NUP214: variants seen among roughly 807,000 people sequenced by gnomAD.
NUP214 encodes nucleoporin 214.
NUP214 carries 79 observed loss-of-function variants against 196.2 expected under a neutral mutation model. The ratio of observed to expected loss-of-function variants is 0.40; its 90% CI spans 0.34 to 0.49. The LOEUF (loss-of-function observed/expected upper bound fraction) is 0.49, where lower values mean the gene tolerates loss of function less well. Among genes scored for constraint, NUP214 ranks in the 20% least tolerant of loss-of-function variants. The pLI, the probability that NUP214 is intolerant of heterozygous loss-of-function variation, is 0.58. For missense variants in NUP214, 2,468 were observed against 2,539.0 expected, an observed-to-expected ratio of 0.97 and a Z score of 0.60; for synonymous variants, 1,020 against 990.5, an observed-to-expected ratio of 1.03 and a Z score of -0.56.
Position 131,198,368 on chromosome 9 carries a change from C to G in NUP214, c.4874C>G (p.Ala1625Gly), listed in dbSNP as rs1206137650. 6.2e-7 allele frequency: 1 copy of G among 1,614,248 alleles called. No homozygotes were observed. The highest frequency in any genetic ancestry group is 2.2e-5 in the East Asian group (1 of 44,894). The change falls in exon 29 of 36, where the codon GCT (alanine) becomes GGT (glycine). Residue 1625 changes from alanine (A) to glycine (G), a missense_variant. Transcript: ENST00000359428. ...GCCTCCAGCACCACGTCCATTGTTG[C>G]TCCCGGCCCATCTGCAGAGGCAGCA... ...PIASSTTSIV[A>G]PGPSAEAAAF... is the part of the protein sequence containing the mutation.
chr9:131,195,254 A>G lies in NUP214; in HGVS notation c.3681A>G (p.Ile1227Met). ...SPSGTGFNFG[I>M]ITPTPSSNFT... ...TTAGGACTGGCTTTAATTTTGGGAT[A>G]ATCACACCAACACCGTCTTCTAATT... The change falls in exon 28 of 36, where the codon ATA becomes ATG. Residue 1227 changes from isoleucine (I) to methionine (M), a missense_variant. Coordinates refer to ENST00000359428, the MANE Select transcript of NUP214 (RefSeq NM_005085.4). 6.2e-7 allele frequency: 1 copy of G among 1,613,138 alleles called. No homozygotes were observed. The highest frequency in any genetic ancestry group is 1.3e-5 in the African/African-American group (1 of 75,022).
At chr9:131,201,622 T>C in intron 29 of NUP214, 25 bp from the exon 30 acceptor site, 2 of 1,594,082 alleles carry the variant, frequency 1.3e-6, no homozygotes, top group East Asian at 4.5e-5. Context: ...CCAAATTGAA[T>C]TTTTGTTTTC....
Position 131,184,500 on chromosome 9 carries a change from A to C in NUP214, c.3420-2789A>C, listed in dbSNP as rs61227423. Among the ~76,000 whole-genome samples the C allele has an allele frequency of 7.8e-3, 1,160 of 149,112 alleles. 13 individuals are homozygous for C. Among genetic ancestry groups the C allele is most frequent in the African/African-American group, 0.027 (1,092 of 40,340 alleles). ...AGGCACCTGCCACCACACCTGGCTA[A>C]TTTTTTTGTATTTTTAGTAGAGACG... On this transcript the variant is annotated intron_variant, in intron 24 of 35. Transcript: ENST00000359428.
intron 30 of NUP214, among the ~76,000 whole-genome samples, chr9:131,206,554 C>T (rs1435075132): frequency 2.0e-5 from 3 of 151,438 alleles, no homozygotes; most frequent in Non-Finnish European, 4.4e-5. Flanking sequence ...AAGCAGTCCT[C>T]CTATCAGTTC....
rs34686610 is a variant in NUP214, at chr9:131,202,377, A to G, written c.5592+660A>G. On this transcript the variant is annotated intron_variant, in intron 30 of 35. Coordinates refer to ENST00000359428, the MANE Select transcript of NUP214 (RefSeq NM_005085.4). ...TGTGTGTGTGTCTATATGTATACAT[A>G]TATGTGTGTACACACACACACACAC... 4.6e-3 allele frequency among the ~76,000 whole-genome samples: 696 copies of G among 152,166 alleles called. 6 individuals are homozygous for G. Among genetic ancestry groups the G allele is most frequent in the African/African-American group, 0.016 (661 of 41,514 alleles).
chr9:131,130,132 G>GTTT lies in NUP214; in HGVS notation c.593-632_593-630dup, dbSNP rs1245763919. Among the ~76,000 whole-genome samples, 7 of 46,608 alleles carry GTTT rather than the reference G, an allele frequency of 1.5e-4. 1 individual carries two copies. The highest frequency in any genetic ancestry group is 6.6e-4 in the Admixed American group (2 of 3,026). 30.6% of individuals were successfully genotyped at this position (46,608 alleles called of 152,430 possible). ...AATGGGAGCAGGAGAATGATTTCTGGTTTTGTTTTTTTTTTTTTGTTTTTT... is the reference window on the plus strand; with the variant it reads ...AATGGGAGCAGGAGAATGATTTCTGGTTTTTTTGTTTTTTTTTTTTTGTTTTTT... On this transcript the variant is annotated intron_variant, in intron 4 of 35. Coordinates refer to ENST00000359428, the MANE Select transcript of NUP214 (RefSeq NM_005085.4).
At chr9:131,157,147 T>TTTTTG (rs1554731047) in intron 17 of NUP214, among the ~76,000 whole-genome samples, 20 of 151,456 alleles carry the variant, frequency 1.3e-4, no homozygotes, top group African/African-American at 4.8e-4. Flanking sequence ...TCTGTTTTTT[T>TTTTTG]TTTTGTTTTG....
At chr9:131,174,444 T>C (rs1487894390) in intron 22 of NUP214, 126 bp downstream of exon 22, 6 of 540,396 alleles carry the variant, frequency 1.1e-5, no homozygotes, top group East Asian at 4.6e-5. Flanking sequence ...TTTTTTTTTT[T>C]TTCTTTTTTT....
rs1041942117 is a variant in NUP214, at chr9:131,204,828, T to G, written c.5592+3111T>G. Among the ~76,000 whole-genome samples the G allele has an allele frequency of 7.9e-5, 12 of 152,296 alleles. No homozygotes were observed. In the East Asian group the frequency reaches 1.7e-3, roughly 22 times the overall value. On this transcript the variant is annotated intron_variant, in intron 30 of 35. Coordinates refer to ENST00000359428, the MANE Select transcript of NUP214 (RefSeq NM_005085.4). ...CAAACGAGAATGCATAAAAGGAAAC[T>G]GATTCTAAGACCTGTCCTAGTGATA...
intron 26 of NUP214, chr9:131,191,086 TG>T (rs1588155872): frequency 6.6e-6 from 1 of 152,116 alleles, no homozygotes; most frequent in Non-Finnish European, 1.5e-5. Flanking sequence ...AGAAGGTTGG[TG>T]TTTTTTTTTT....
At position 131,140,556 on chromosome 9, in the gene NUP214, A is replaced by ACTGG; in HGVS notation, c.1140_1141insCTGG (p.Lys381LeufsTer26). ...TGTTTTCTTTTTTAACAGGTGATGAAAAGACTCTTCCTCCTGCTCCAGTTC... is the reference window on the plus strand; with the variant it reads ...TGTTTTCTTTTTTAACAGGTGATGAACTGGAAGACTCTTCCTCCTGCTCCAGTTC... On this transcript the variant is annotated frameshift_variant, in exon 11 of 36. Transcript: ENST00000359428. LOFTEE classifies it high-confidence loss of function. 1 of 1,604,404 alleles carries ACTGG rather than the reference A, an allele frequency of 6.2e-7. No individual in the cohort carries two copies. The highest frequency in any genetic ancestry group is 8.5e-7 in the Non-Finnish European group (1 of 1,177,470).
chr9:131,230,794 C>T, intron 34 of NUP214, 25 bp downstream of exon 34: 2 of 1,607,086 alleles, frequency 1.2e-6, no homozygotes, highest in Non-Finnish European at 1.7e-6. Flanking sequence ...GTTCTCCCCT[C>T]ACAAGCAAAA....
intron 30 of NUP214, among the ~76,000 whole-genome samples, chr9:131,212,836 A>G (rs1834283813): frequency 6.6e-6 from 1 of 152,160 alleles, no homozygotes; most frequent in Non-Finnish European, 1.5e-5. Context: ...TATGTCTGAG[A>G]TTTGCTCCAC....
chr9:131,150,720 A>C lies in NUP214; in HGVS notation c.2232A>C (p.Ser744=). 2 of 1,614,180 alleles carry C rather than the reference A, an allele frequency of 1.2e-6. No individual in the cohort carries two copies. The highest frequency in any genetic ancestry group is 1.6e-4 in the Middle Eastern group (1 of 6,062). Reference sequence around the variant, plus strand: ...AGATGAAGATGCTGCGAACAGAATCAGATGACTTGCATACCTTTCTTTTGG... The same window carrying C: ...AGATGAAGATGCTGCGAACAGAATCCGATGACTTGCATACCTTTCTTTTGG... ...SEEMKMLRTE[S]DDLHTFLLEI... Residue 744 remains serine (S), a synonymous_variant, in exon 16 of 36, where the codon TCA becomes TCC. Coordinates refer to ENST00000359428, the MANE Select transcript of NUP214 (RefSeq NM_005085.4).
chr9:131,144,207 T>G, intron 11 of NUP214, 73 bp from the exon 12 acceptor site: 1 of 1,201,124 alleles, frequency 8.3e-7, no homozygotes, highest in African/African-American at 1.5e-5. Context: ...AAATTCTTTT[T>G]CACTTGCTTT....
intron 17 of NUP214, chr9:131,153,363 A>G (rs1439116375): frequency 1.3e-5 from 2 of 152,142 alleles, no homozygotes; most frequent in African/African-American, 4.8e-5. Flanking sequence ...TTAAAAAAAA[A>G]AAAGAAAAAT....
At chr9:131,194,599 G>A (rs1023458540) in intron 27 of NUP214, among the ~76,000 whole-genome samples, 1 of 152,146 alleles carries the variant, frequency 6.6e-6, no homozygotes, top group Admixed American at 6.5e-5. Context: ...CTTAGCTATG[G>A]TGTCTTCACT....
intron 18 of NUP214, among the ~76,000 whole-genome samples, chr9:131,160,828 A>G (rs1048209616): frequency 2.6e-5 from 4 of 152,186 alleles, no homozygotes; most frequent in Admixed American, 6.5e-5. Context: ...AGAAGTGAGA[A>G]GCTCTCCTCC....
chr9:131,166,348 G>C (rs917946478), intron 21 of NUP214, among the ~76,000 whole-genome samples: 1 of 152,128 alleles, frequency 6.6e-6, no homozygotes, highest in East Asian at 1.9e-4. Flanking sequence ...TATTTAGATA[G>C]AGTCCTTACA....
Sources: allele counts gnomAD v4.1 joint callset (sites outside exome capture counted in the v4.1 genomes callset), GRCh38; gene constraint gnomAD v4.1.1; transcripts MANE v1.5; gene names NCBI Gene and HGNC (gene_info 2026-07-23, HGNC 2026-07-21).